The following AGO3 variants were observed in gnomAD, a reference collection of about 807,000 sequenced individuals.
The protein encoded by AGO3 is argonaute RISC catalytic component 3, also known as protein argonaute-3.
AGO3 carries 16 observed loss-of-function variants against 105.5 expected under a neutral mutation model. The observed-to-expected ratio is 0.15, with a 90% confidence interval of 0.10 to 0.23. AGO3 has a LOEUF of 0.23. Among genes scored for constraint, AGO3 ranks in the 10% least tolerant of loss-of-function variants. AGO3 has a pLI of 1.00. For synonymous variants in AGO3, 340 were observed against 367.3 expected, an observed-to-expected ratio of 0.93 and a Z score of 0.85; for missense variants, 534 against 1,088.0, an observed-to-expected ratio of 0.49 and a Z score of 7.16.
chr1:36,040,453 T>C lies in AGO3; in HGVS notation c.2172+12T>C. On this transcript the variant is annotated intron_variant, in intron 16 of 18. Transcript: ENST00000373191. ...ATAGGACAGAAAGGGTAATCTCACC[T>C]CTGTTGTAATACTGTTATAAACCAA... 1.2e-6 allele frequency: 2 copies of C among 1,613,888 alleles called. No homozygotes were observed. The highest frequency in any genetic ancestry group is 2.2e-5 in the South Asian group (2 of 91,062).
At chr1:35,985,998 A>G (rs72661643) in intron 5 of AGO3, among the ~76,000 whole-genome samples, 7,269 of 152,344 alleles carry the variant, frequency 0.048, 263 homozygotes, top group South Asian at 0.083. Flanking sequence ...ACCATTTTCT[A>G]CGCATCAGAT....
chr1:35,941,384 C>A (rs1019609677), intron 1 of AGO3, among the ~76,000 whole-genome samples: 1 of 152,046 alleles, frequency 6.6e-6, no homozygotes, highest in Admixed American at 6.6e-5. Flanking sequence ...ATTTTTCATA[C>A]AGCAGCTGGA....
In AGO3 at chr1:36,059,183, G is replaced by A. The variant is rs960929165; in HGVS notation, c.*3438G>A. The A allele has an allele frequency of 1.3e-5, 2 of 152,050 alleles. No homozygotes were observed. The highest frequency in any genetic ancestry group is 4.8e-5 in the African/African-American group (2 of 41,412). The allele number at this position is 152,050 out of a possible 1,614,324, so 9.4% of individuals were successfully genotyped here. A position where few individuals can be genotyped will look rare whatever the true frequency, so the allele number is the denominator to read the frequency against. On this transcript the variant is annotated 3_prime_UTR_variant, in exon 19 of 19. Transcript: ENST00000373191. ...TCTTTTTTAGAGTGCTCTTACACTA[G>A]TCAGCATTGCTAGTTTAAAGTTGAT...
intron 5 of AGO3, among the ~76,000 whole-genome samples, chr1:35,985,395 AAAAT>A (rs1647149677): frequency 6.6e-6 from 1 of 152,260 alleles, no homozygotes; most frequent in Admixed American, 6.5e-5. Context: ...ATTTTAAAGA[AAAAT>A]AAAGCAGAAA....
intron 1 of AGO3, among the ~76,000 whole-genome samples, chr1:35,936,662 C>T (rs547994380): frequency 1.3e-5 from 2 of 152,166 alleles, no homozygotes; most frequent in Non-Finnish European, 1.5e-5. Flanking sequence ...TTTTATACAT[C>T]ATTTCCAAAT....
intron 5 of AGO3, among the ~76,000 whole-genome samples, chr1:35,980,118 C>T (rs554514111): frequency 1.4e-4 from 22 of 152,204 alleles, no homozygotes; most frequent in African/African-American, 4.8e-4. Context: ...CATATGATAC[C>T]TATCTTCCTC....
At chr1:35,970,172 C>T (rs1197872369) in intron 3 of AGO3, among the ~76,000 whole-genome samples, 1 of 152,142 alleles carries the variant, frequency 6.6e-6, no homozygotes, top group South Asian at 2.1e-4. Context: ...CTGGTATGTT[C>T]ACAGCTGCTG....
Position 36,008,877 on chromosome 1 carries a change from G to C in AGO3, c.882-20G>C. 5 of 1,613,990 alleles carry C rather than the reference G, an allele frequency of 3.1e-6. No individual in the cohort carries two copies. The highest frequency in any genetic ancestry group is 3.4e-6 in the Non-Finnish European group (4 of 1,180,016). On this transcript the variant is annotated intron_variant, in intron 7 of 18. Coordinates refer to ENST00000373191, the MANE Select transcript of AGO3 (RefSeq NM_024852.4). The surrounding 1 kb of genome is among the most constrained non-coding windows in gnomAD (Gnocchi z 5.1). ...CTCATAATGGGCAAGAATTGTTCAT[G>C]TGTACTTTTTTTTCCTCAGCTTTCC...
chr1:36,028,104 C>T (rs1303897100), intron 12 of AGO3, among the ~76,000 whole-genome samples: 1 of 152,068 alleles, frequency 6.6e-6, no homozygotes. Flanking sequence ...TGCAGTGGTG[C>T]AATCATGGCT....
chr1:36,025,182 C>T (rs1345110300), intron 11 of AGO3, among the ~76,000 whole-genome samples: 2 of 152,118 alleles, frequency 1.3e-5, no homozygotes, highest in East Asian at 3.8e-4. Context: ...CAGAATTTGC[C>T]TTGCCTTCTT....
At position 36,055,077 on chromosome 1, in the gene AGO3, A is replaced by G. The variant is rs995729347; in HGVS notation, c.2406A>G (p.Ala802=). 6.2e-7 allele frequency: 1 copy of G among 1,613,946 alleles called. No individual in the cohort carries two copies. The highest frequency in any genetic ancestry group is 1.7e-5 in the Admixed American group (1 of 59,980). The change falls in exon 18 of 19, where the codon GCA becomes GCG. Residue 802 remains alanine, a synonymous_variant. Transcript: ENST00000373191. The surrounding 1 kb of genome is among the most constrained non-coding windows in gnomAD (Gnocchi z 4.4). The part of the protein sequence containing the change: ...VRCTRSVSIP[A]PAYYAHLVAF... ...GTACACGATCTGTTTCTATACCTGC[A>G]CCAGCGTATTATGCTCACCTGGTAG...
chr1:35,966,522 G>C lies in AGO3; in HGVS notation c.192-433G>C, dbSNP rs530529550. On this transcript the variant is annotated intron_variant, in intron 2 of 18. Coordinates refer to ENST00000373191, the MANE Select transcript of AGO3 (RefSeq NM_024852.4). ...GTTTGCTGCTCTCAGGAGGCTCACA[G>C]TTAGAAGAATTGAAAATATATAATC... is the stretch of plus-strand genomic sequence containing the variant. 2.2e-4 allele frequency among the ~76,000 whole-genome samples: 34 copies of C among 152,332 alleles called. No homozygotes were observed. The East Asian group carries it at 5.4e-3, about 24-fold the overall frequency.
rs1265328944 is a variant in AGO3, at chr1:36,061,443, C to T, written c.*5698C>T. 6.6e-6 allele frequency: 1 copy of T among 152,074 alleles called. No individual in the cohort carries two copies. The highest frequency in any genetic ancestry group is 2.4e-5 in the African/African-American group (1 of 41,404). The allele number at this position is 152,074 out of a possible 1,614,324, so 9.4% of individuals were successfully genotyped here. A position where few individuals can be genotyped will look rare whatever the true frequency, so the allele number is the denominator to read the frequency against. ...GATGTTTACATCATTGATTAAATCT[C>T]AAGAATCTTTTGTTCTTAAAATATG... On this transcript the variant is annotated 3_prime_UTR_variant, in exon 19 of 19. Transcript: ENST00000373191.
At chr1:35,961,927 G>A (rs996442781) in intron 2 of AGO3, among the ~76,000 whole-genome samples, 2 of 152,170 alleles carry the variant, frequency 1.3e-5, no homozygotes, top group Non-Finnish European at 2.9e-5. Flanking sequence ...TACAGTTGAA[G>A]TGTTTGGACG....
At chr1:36,020,022 T>G (rs1641132212) in intron 11 of AGO3, among the ~76,000 whole-genome samples, 1 of 152,212 alleles carries the variant, frequency 6.6e-6, no homozygotes, top group Admixed American at 6.5e-5. Context: ...TCAGCCCACC[T>G]TGGCCTCCCA....
intron 5 of AGO3, among the ~76,000 whole-genome samples, chr1:35,995,324 T>C (rs972766325): frequency 3.3e-5 from 5 of 151,500 alleles, no homozygotes; most frequent in African/African-American, 1.2e-4. Context: ...AAAAATCTTT[T>C]AAAGAAGAAC....
intron 11 of AGO3, among the ~76,000 whole-genome samples, chr1:36,018,049 C>T (rs984955746): frequency 5.3e-5 from 8 of 151,026 alleles, no homozygotes; most frequent in Admixed American, 1.3e-4. Flanking sequence ...GGCATGATCT[C>T]GGCTCACTGC....
chr1:35,946,655 G>A (rs185036339), intron 2 of AGO3, among the ~76,000 whole-genome samples: 1 of 152,216 alleles, frequency 6.6e-6, no homozygotes, highest in African/African-American at 2.4e-5. Flanking sequence ...TTTGTAATTT[G>A]GTAGAGGAAA....
At chr1:35,982,476 A>T (rs1647070567) in intron 5 of AGO3, 5 of 594,172 alleles carry the variant, frequency 8.4e-6, no homozygotes, top group Non-Finnish European at 1.5e-5. Context: ...TAGAAAAATC[A>T]CAGAAAATTA....
Sources: allele counts gnomAD v4.1 joint callset (sites outside exome capture counted in the v4.1 genomes callset), GRCh38; gene constraint gnomAD v4.1.1; non-coding constraint Gnocchi (gnomAD v3.1); transcripts MANE v1.5; gene names NCBI Gene and HGNC (gene_info 2026-07-23, HGNC 2026-07-21).